FBXO11: variants seen among roughly 807,000 people sequenced by gnomAD.
FBXO11 encodes the protein F-box only protein 11.
Under a neutral mutation model 117.0 loss-of-function variants are expected in FBXO11, and 13 were observed. The observed-to-expected ratio is 0.11, with a 90% CI of 0.07 to 0.18. FBXO11 has a LOEUF of 0.18. Ranked by LOEUF, FBXO11 falls within the 10% of genes least tolerant of loss-of-function variation. The pLI, the probability that FBXO11 is intolerant of heterozygous loss-of-function variation, is 1.00. For missense variants in FBXO11, 767 were observed against 1,164.4 expected (o/e 0.66, Z 4.97); for synonymous variants, 490 against 380.5 (o/e 1.29, Z -3.35).
intron 11 of FBXO11, among the ~76,000 whole-genome samples, chr2:47,827,134 A>C (rs2104767436): frequency 6.6e-6 from 1 of 152,356 alleles, no homozygotes; most frequent in South Asian, 2.1e-4. Flanking sequence ...ATAAAGCAGC[A>C]AAAAGTTTTC....
chr2:47,842,304 G>A (rs759516359), intron 1 of FBXO11, among the ~76,000 whole-genome samples: 37 of 152,164 alleles, frequency 2.4e-4, no homozygotes, highest in Middle Eastern at 6.8e-3. Context: ...GTGAGCCACC[G>A]GCGCCCGGCA....
chr2:47,809,522 A>G, intron 20 of FBXO11, 78 bp downstream of exon 20: 1 of 1,034,548 alleles, frequency 9.7e-7, no homozygotes, highest in South Asian at 1.4e-5. Flanking sequence ...GACATAAGGA[A>G]TCAAGTTATA....
chr2:47,845,640 C>T (rs566909308), intron 1 of FBXO11, among the ~76,000 whole-genome samples: 14 of 152,220 alleles, frequency 9.2e-5, no homozygotes, highest in African/African-American at 3.1e-4. Context: ...CTTACTATAC[C>T]TTAGCTGCCT....
chr2:47,897,308 G>A (rs1163915120), intron 1 of FBXO11, among the ~76,000 whole-genome samples: 3 of 152,154 alleles, frequency 2.0e-5, no homozygotes, highest in Admixed American at 6.5e-5. Context: ...ATCAGCAAAG[G>A]CTAAACTGAT....
intron 1 of FBXO11, among the ~76,000 whole-genome samples, chr2:47,847,108 G>T (rs566019798): frequency 1.3e-5 from 2 of 152,136 alleles, no homozygotes; most frequent in East Asian, 3.8e-4. Context: ...AGCCAGGTGT[G>T]GTGGTGGACA....
At chr2:47,829,248 A>T (rs957902100) in intron 11 of FBXO11, among the ~76,000 whole-genome samples, 3 of 141,018 alleles carry the variant, frequency 2.1e-5, no homozygotes, top group East Asian at 2.2e-4. Context: ...TTATTTATTT[A>T]TTTATTTTTT....
At chr2:47,854,735 G>A (rs147544939) in intron 1 of FBXO11, among the ~76,000 whole-genome samples, 3 of 152,272 alleles carry the variant, frequency 2.0e-5, no homozygotes, top group East Asian at 1.9e-4. Context: ...AGAATTTGCA[G>A]TGCTAACACG....
intron 1 of FBXO11, among the ~76,000 whole-genome samples, chr2:47,881,561 A>G (rs1188083001): frequency 2.0e-5 from 3 of 152,002 alleles, no homozygotes; most frequent in African/African-American, 7.3e-5. Flanking sequence ...TTTTATTTTA[A>G]TGTTTCTTTT....
chr2:47,885,058 C>T (rs1191361736), intron 1 of FBXO11, among the ~76,000 whole-genome samples: 1 of 152,086 alleles, frequency 6.6e-6, no homozygotes, highest in Non-Finnish European at 1.5e-5. Context: ...GATGAACTTA[C>T]TATGTAAAAC....
intron 1 of FBXO11, among the ~76,000 whole-genome samples, chr2:47,876,900 C>A (rs993388944): frequency 6.6e-6 from 1 of 150,814 alleles, no homozygotes; most frequent in Non-Finnish European, 1.5e-5. Context: ...AGGTTTGAAT[C>A]TCTCGATCTA....
intron 1 of FBXO11, among the ~76,000 whole-genome samples, chr2:47,862,062 G>A (rs553527404): frequency 3.3e-5 from 5 of 152,144 alleles, no homozygotes; most frequent in East Asian, 3.9e-4. Context: ...ACGGGCGCAC[G>A]CTACCATGCC....
intron 1 of FBXO11, among the ~76,000 whole-genome samples, chr2:47,855,096 T>C (rs1331052000): frequency 6.6e-6 from 1 of 152,146 alleles, no homozygotes; most frequent in Admixed American, 6.5e-5. Flanking sequence ...GAGATCACTA[T>C]ATCATTTTTA....
intron 5 of FBXO11, 21 bp from the exon 6 acceptor site, chr2:47,834,892 C>T: frequency 6.4e-7 from 1 of 1,568,824 alleles, no homozygotes. Flanking sequence ...AAAAACAAAA[C>T]AAAACCATTG....
chr2:47,808,911 G>A (rs1003670661), intron 21 of FBXO11: 11 of 361,362 alleles, frequency 3.0e-5, no homozygotes, highest in African/African-American at 1.9e-4. Flanking sequence ...TGCCCAGGCT[G>A]GTTTAGAACT....
At chr2:47,867,776 T>C (rs1281271574) in intron 1 of FBXO11, among the ~76,000 whole-genome samples, 3 of 152,182 alleles carry the variant, frequency 2.0e-5, no homozygotes, top group African/African-American at 4.8e-5. Context: ...TATGTAGACA[T>C]GGATACATAC....
intron 1 of FBXO11, among the ~76,000 whole-genome samples, chr2:47,887,176 T>C (rs1179311538): frequency 6.6e-6 from 1 of 151,452 alleles, no homozygotes; most frequent in Non-Finnish European, 1.5e-5. Context: ...TCCCAGCTAC[T>C]CGGGAGGCTG....
chr2:47,852,838 T>C (rs901425579), intron 1 of FBXO11, among the ~76,000 whole-genome samples: 1 of 152,204 alleles, frequency 6.6e-6, no homozygotes, highest in East Asian at 1.9e-4. Context: ...TCCTATGTTA[T>C]TGATGAGGAA....
At chr2:47,863,936 G>C (rs1403260940) in intron 1 of FBXO11, among the ~76,000 whole-genome samples, 1 of 148,786 alleles carries the variant, frequency 6.7e-6, no homozygotes, top group Non-Finnish European at 1.5e-5. Context: ...GTGAGACTCT[G>C]TCTCAAAAAA....
intron 3 of FBXO11, 68 bp downstream of exon 3, chr2:47,839,350 AT>A: frequency 7.1e-7 from 1 of 1,409,622 alleles, no homozygotes; most frequent in Non-Finnish European, 9.8e-7. Flanking sequence ...CTTAATTTTC[AT>A]TTTTTGGTAT....
Sources: gnomAD v4.1 joint callset for allele counts (sites outside exome capture counted in the v4.1 genomes callset) on GRCh38, gnomAD v4.1.1 for gene constraint, MANE v1.5 for transcripts, NCBI Gene and HGNC (gene_info 2026-07-23, HGNC 2026-07-21) for gene names.